TRIO: variants seen among roughly 807,000 people sequenced by gnomAD.
TRIO encodes trio Rho guanine nucleotide exchange factor.
Under a neutral mutation model 351.9 loss-of-function variants are expected in TRIO, and 58 were observed. The ratio of observed to expected loss-of-function variants is 0.16; its 90% CI spans 0.13 to 0.21. The LOEUF (loss-of-function observed/expected upper bound fraction) is 0.21, where lower values mean the gene tolerates loss of function less well. TRIO is among the 10% of genes least tolerant of loss of function. The probability of loss-of-function intolerance (pLI) is 1.00; values close to 1 mark genes in which losing one functional copy is unlikely to be tolerated. For synonymous variants in TRIO, 1,758 were observed against 1,595.7 expected (o/e 1.10, Z -2.42); for missense variants, 3,201 against 4,027.8 (o/e 0.79, Z 5.56).
At chr5:14,356,101 ATTGAAAAATAACTTCT>A (rs1389092029) in intron 11 of TRIO, among the ~76,000 whole-genome samples, 1 of 152,250 alleles carries the variant, frequency 6.6e-6, no homozygotes, top group Non-Finnish European at 1.5e-5. Flanking sequence ...GGGTAACAGG[ATTGAAAAATAACTTCT>A]TTGCCAGCAC....
At chr5:14,229,312 T>C (rs1793254230) in intron 1 of TRIO, among the ~76,000 whole-genome samples, 1 of 152,246 alleles carries the variant, frequency 6.6e-6, no homozygotes, top group South Asian at 2.1e-4. Context: ...GGCCACCTAG[T>C]AGCATGGACA....
intron 1 of TRIO, among the ~76,000 whole-genome samples, chr5:14,182,978 T>C (rs1344987058): frequency 6.6e-6 from 1 of 152,098 alleles, no homozygotes; most frequent in South Asian, 2.1e-4. Context: ...TGTGCTCCCT[T>C]TCCTCTGAGC....
chr5:14,481,028 G>C (rs1755471767), intron 43 of TRIO, among the ~76,000 whole-genome samples: 1 of 152,006 alleles, frequency 6.6e-6, no homozygotes, highest in African/African-American at 2.4e-5. Flanking sequence ...GCCAGTGTGA[G>C]TGGCCAAAAA....
chr5:14,156,091 G>C (rs1176498111), intron 1 of TRIO, among the ~76,000 whole-genome samples: 2 of 152,112 alleles, frequency 1.3e-5, no homozygotes, highest in Non-Finnish European at 2.9e-5. Context: ...ATCTTTTGCT[G>C]TCACTTAGTT....
chr5:14,147,157 GAAAA>G (rs763339821), intron 1 of TRIO, among the ~76,000 whole-genome samples: 3 of 150,258 alleles, frequency 2.0e-5, no homozygotes, highest in Admixed American at 6.6e-5. Context: ...AGAGCAAAAA[GAAAA>G]AAAAAGACAC....
chr5:14,377,427 G>A (rs1745658506), intron 19 of TRIO, among the ~76,000 whole-genome samples: 1 of 151,862 alleles, frequency 6.6e-6, no homozygotes, highest in Non-Finnish European at 1.5e-5. Context: ...TGTATTTTTA[G>A]TAGAGACAGA....
rs867933604 is a variant in TRIO at position 14,160,949 on chromosome 5, C to T, written c.157+17067C>T. On this transcript the variant is annotated intron_variant, in intron 1 of 56. Transcript: ENST00000344204. ...TTTTTGAGATGGAGTCTTGCTCTGT[C>T]GCCCAGGCTGGAGTGCAGCGGTGTG... Among the ~76,000 whole-genome samples, 31 of 152,120 alleles carry T rather than the reference C, an allele frequency of 2.0e-4. 2 individuals are homozygous for T. Among genetic ancestry groups the T allele is most frequent in the Admixed American group, 4.6e-4 (7 of 15,282 alleles).
intron 1 of TRIO, among the ~76,000 whole-genome samples, chr5:14,161,189 G>A (rs566920086): frequency 1.6e-4 from 24 of 152,168 alleles, no homozygotes; most frequent in Non-Finnish European, 2.4e-4. Context: ...ACAGGTGTGA[G>A]CTACCATGCC....
At chr5:14,393,084 G>A (rs1343217757) in intron 27 of TRIO, among the ~76,000 whole-genome samples, 1 of 150,990 alleles carries the variant, frequency 6.6e-6, no homozygotes, top group South Asian at 2.1e-4. Context: ...ATGGGTTCAT[G>A]TTCTTTGCAG....
intron 1 of TRIO, among the ~76,000 whole-genome samples, chr5:14,175,032 A>C (rs1324984798): frequency 7.9e-6 from 1 of 126,160 alleles, no homozygotes; most frequent in East Asian, 2.0e-4. Flanking sequence ...TATTACTTTA[A>C]AATCTTTTGA....
At chr5:14,458,969 A>G (rs555289111) in intron 34 of TRIO, among the ~76,000 whole-genome samples, 28 of 152,386 alleles carry the variant, frequency 1.8e-4, no homozygotes, top group African/African-American at 6.7e-4. Flanking sequence ...GAGAAAATAT[A>G]TATACATATA....
chr5:14,258,089 A>G (rs1795130016), intron 1 of TRIO, among the ~76,000 whole-genome samples: 1 of 152,240 alleles, frequency 6.6e-6, no homozygotes, highest in African/African-American at 2.4e-5. Flanking sequence ...ACACCTAAGT[A>G]ACTGTTGACA....
At chr5:14,209,507 T>C (rs1300642484) in intron 1 of TRIO, among the ~76,000 whole-genome samples, 1 of 152,194 alleles carries the variant, frequency 6.6e-6, no homozygotes, top group African/African-American at 2.4e-5. Flanking sequence ...TAGTGTAATG[T>C]CATTATTTTT....
chr5:14,182,704 A>G (rs1451670407), intron 1 of TRIO, among the ~76,000 whole-genome samples: 4 of 152,186 alleles, frequency 2.6e-5, no homozygotes, highest in African/African-American at 7.2e-5. Context: ...CTAAGACATT[A>G]TCTGTTGGAA....
intron 1 of TRIO, among the ~76,000 whole-genome samples, chr5:14,202,490 C>T (rs1791198082): frequency 6.6e-6 from 1 of 151,412 alleles, no homozygotes; most frequent in Non-Finnish European, 1.5e-5. Context: ...TTGTGATTAC[C>T]AGTATCTCCA....
rs975003367 is a variant in TRIO, at chr5:14,229,086, G to GAT, written c.158-41731_158-41730dup. ...TATTTACATTTGTAATATTGATTAT[G>GAT]ATATATATAGATTTATTTAAAATTA... is the stretch of plus-strand genomic sequence containing the variant. On this transcript the variant is annotated intron_variant, in intron 1 of 56. Coordinates refer to ENST00000344204, the MANE Select transcript of TRIO (RefSeq NM_007118.4). Among the ~76,000 whole-genome samples, 19 of 152,138 alleles carry GAT rather than the reference G, an allele frequency of 1.2e-4. 1 individual carries two copies. The highest frequency in any genetic ancestry group is 6.8e-3 in the Middle Eastern group (2 of 294).
At chr5:14,304,110 G>T (rs1359284623) in intron 7 of TRIO, among the ~76,000 whole-genome samples, 3 of 152,312 alleles carry the variant, frequency 2.0e-5, no homozygotes, top group African/African-American at 7.2e-5. Context: ...TGCTAGGAGT[G>T]CAGGGCAGTT....
chr5:14,143,941 G>A, intron 1 of TRIO, 59 bp downstream of exon 1: 1 of 1,026,370 alleles, frequency 9.7e-7, no homozygotes, highest in Non-Finnish European at 1.2e-6. Flanking sequence ...CGGCCGACCC[G>A]CCGCGGAGCT....
At chr5:14,237,706 C>T (rs1267490091) in intron 1 of TRIO, among the ~76,000 whole-genome samples, 1 of 152,188 alleles carries the variant, frequency 6.6e-6, no homozygotes, top group African/African-American at 2.4e-5. Context: ...TTTAAAATGC[C>T]TTAACGCCCA....
Sources: gnomAD v4.1 joint callset for allele counts (sites outside exome capture counted in the v4.1 genomes callset) on GRCh38, gnomAD v4.1.1 for gene constraint, MANE v1.5 for transcripts, NCBI Gene and HGNC (gene_info 2026-07-23, HGNC 2026-07-21) for gene names.